The following POLQ variants were observed in gnomAD, a reference collection of about 807,000 sequenced individuals.
POLQ encodes the protein DNA polymerase theta.
A neutral mutation model predicts 259.2 loss-of-function variants in POLQ; 233 were observed. That is an observed-to-expected ratio of 0.90 (90% confidence interval 0.81 to 1.00). The LOEUF (loss-of-function observed/expected upper bound fraction) is 1.00, where lower values mean the gene tolerates loss of function less well. POLQ is among the 50% of genes least tolerant of loss of function. The pLI, the probability that POLQ is intolerant of heterozygous loss-of-function variation, is 0.00. For synonymous variants in POLQ, 1,025 were observed against 1,048.8 expected, an observed-to-expected ratio of 0.98 and a Z score of 0.44; for missense variants, 2,871 against 3,051.6, an observed-to-expected ratio of 0.94 and a Z score of 1.39.
At chr3:121,529,821 A>G (rs758650576) in intron 6 of POLQ, 29 bp from the exon 7 acceptor site, 11 of 1,556,366 alleles carry the variant, frequency 7.1e-6, no homozygotes, top group Non-Finnish European at 8.7e-7. Context: ...TAACCACTTT[A>G]GTGGTCCTTT....
intron 19 of POLQ, among the ~76,000 whole-genome samples, chr3:121,480,976 G>T (rs750143299): frequency 8.5e-5 from 13 of 152,072 alleles, no homozygotes; most frequent in Non-Finnish European, 1.8e-4. Context: ...ATAAGCATCC[G>T]TTAAGCTCTC....
At chr3:121,541,744 A>G (rs934430526) in intron 2 of POLQ, among the ~76,000 whole-genome samples, 1 of 152,198 alleles carries the variant, frequency 6.6e-6, no homozygotes, top group Non-Finnish European at 1.5e-5. Context: ...ATACCTAAAG[A>G]TCCTTTCCTT....
At chr3:121,455,901 T>C (rs2047732006) in intron 25 of POLQ, among the ~76,000 whole-genome samples, 1 of 133,448 alleles carries the variant, frequency 7.5e-6, no homozygotes, top group South Asian at 3.0e-4. Flanking sequence ...AGCATCATCC[T>C]GATACCAAAG....
chr3:121,525,146 C>T (rs556787264), intron 7 of POLQ, among the ~76,000 whole-genome samples: 3 of 152,190 alleles, frequency 2.0e-5, no homozygotes, highest in East Asian at 3.9e-4. Flanking sequence ...TCGAGACCAT[C>T]CTGGCTAACA....
rs746228716 is a variant in POLQ at position 121,510,332 on chromosome 3, C to CT, written c.1612-90dup. ...GTGGCTCATGCCTGTAATCCCAGCA[C>CT]TTTGGGAGTCCGAGGCGGGCGGATC... On this transcript the variant is annotated intron_variant, in intron 10 of 29. Transcript: ENST00000264233. The CT allele has an allele frequency of 6.2e-4, 525 of 842,206 alleles. 3 individuals are homozygous for CT. Among genetic ancestry groups the CT allele is most frequent in the Middle Eastern group, 3.4e-3 (15 of 4,350 alleles). The allele number at this position is 842,206 out of a possible 1,614,324, so 52.2% of individuals were successfully genotyped here.
At position 121,472,169 on chromosome 3, in the gene POLQ, C is replaced by CA. The variant is rs1240834119; in HGVS notation, c.6544-6dup. 1.5e-5 allele frequency: 21 copies of CA among 1,367,564 alleles called. No individual in the cohort carries two copies. Among genetic ancestry groups the CA allele is most frequent in the East Asian group, 2.5e-5 (1 of 40,154 alleles). The allele number at this position is 1,367,564 out of a possible 1,614,324, so 84.7% of individuals were successfully genotyped here. ...CTTTAATTTATTTAAAACGTCCTGCCAAAAAAATATAAGGTAAGATTGAAT... is the reference window on the plus strand; with the variant it reads ...CTTTAATTTATTTAAAACGTCCTGCCAAAAAAAATATAAGGTAAGATTGAAT... On this transcript the variant is annotated splice_polypyrimidine_tract_variant and splice_region_variant and intron_variant, in intron 21 of 29. Transcript: ENST00000264233.
At position 121,472,017 on chromosome 3, in the gene POLQ, G is replaced by T. The variant is rs2108789965; in HGVS notation, c.6691C>A (p.Pro2231Thr). Residue 2231 changes from proline to threonine, a missense_variant, in exon 22 of 30, where the codon CCT (proline) becomes ACT (threonine). Physicochemically the swap from Pro to Thr is conservative, Grantham distance 38. Coordinates refer to ENST00000264233, the MANE Select transcript of POLQ (RefSeq NM_199420.4). The part of the protein sequence containing the change: ...NPFLGMERIY[P>T]VSQSHTATGR... ...GTAGCAGTGTGCGACTGTGATACAG[G>T]ATAGATTCTTTCCATTCCAAGAAAA... 1.3e-6 allele frequency: 2 copies of T among 1,571,296 alleles called. No homozygotes were observed. The highest frequency in any genetic ancestry group is 2.3e-5 in the South Asian group (2 of 85,294).
chr3:121,514,444 A>G (rs963546552), intron 9 of POLQ, among the ~76,000 whole-genome samples: 10 of 151,844 alleles, frequency 6.6e-5, no homozygotes, highest in African/African-American at 2.4e-4. Flanking sequence ...AAATTGCAAG[A>G]TATAGTAAGA....
chr3:121,544,901 A>G lies in POLQ; in HGVS notation c.169T>C (p.Cys57Arg). ...TCGTAGTCAGGAACTGTAGGCTTGCATTCTCCTTTTAGGAAAAAGAAAAAA... is the reference window on the plus strand; with the variant it reads ...TCGTAGTCAGGAACTGTAGGCTTGCGTTCTCCTTTTAGGAAAAAGAAAAAA... ...RCLKAAAAGE[C>R]KPTVPDYERD... Residue 57 changes from cysteine to arginine, a missense_variant, in exon 2 of 30, where the codon TGC becomes CGC. Transcript: ENST00000264233. 1 of 1,584,096 alleles carries G rather than the reference A, an allele frequency of 6.3e-7. No homozygotes were observed. The highest frequency in any genetic ancestry group is 8.6e-7 in the Non-Finnish European group (1 of 1,163,852).
At chr3:121,509,724 G>A (rs1316969469) in intron 11 of POLQ, 21 bp from the exon 12 acceptor site, 1 of 1,588,352 alleles carries the variant, frequency 6.3e-7, no homozygotes. Flanking sequence ...GTTAGGGTGA[G>A]GAAACAGAGG....
chr3:121,513,600 C>CAAAAAAAAA (rs59962408), intron 9 of POLQ, among the ~76,000 whole-genome samples: 2 of 51,542 alleles, frequency 3.9e-5, no homozygotes, highest in Non-Finnish European at 6.4e-5. Flanking sequence ...GACTCTATCT[C>CAAAAAAAAA]AAAAAAAAAA....
At position 121,431,663 on chromosome 3, in the gene POLQ, T is replaced by C. The variant is rs1414262544; in HGVS notation, c.*641A>G. 6.6e-6 allele frequency: 1 copy of C among 152,630 alleles called. No individual in the cohort carries two copies. Among genetic ancestry groups the C allele is most frequent in the Non-Finnish European group, 1.5e-5 (1 of 68,044 alleles). 9.5% of individuals were successfully genotyped at this position (152,630 alleles called of 1,614,324 possible). Reference sequence around the variant, plus strand: ...ACCTCTTGAAGAGGTATAGTTTATTTTATAATATGTAAGTATTCCAAATAC... The same window carrying C: ...ACCTCTTGAAGAGGTATAGTTTATTCTATAATATGTAAGTATTCCAAATAC... On this transcript the variant is annotated 3_prime_UTR_variant, in exon 30 of 30. Coordinates refer to ENST00000264233, the MANE Select transcript of POLQ (RefSeq NM_199420.4).
intron 19 of POLQ, among the ~76,000 whole-genome samples, chr3:121,478,858 T>C (rs2047947736): frequency 1.3e-5 from 2 of 152,134 alleles, no homozygotes; most frequent in Admixed American, 1.3e-4. Flanking sequence ...CCTAATAAAG[T>C]GGCCTCAAAA....
intron 20 of POLQ, among the ~76,000 whole-genome samples, chr3:121,475,300 T>A (rs1331681946): frequency 6.6e-6 from 1 of 152,218 alleles, no homozygotes; most frequent in Admixed American, 6.5e-5. Context: ...AGTGAGATCA[T>A]CTGAAACATA....
At chr3:121,501,165 C>T (rs2048164525) in intron 12 of POLQ, among the ~76,000 whole-genome samples, 1 of 151,914 alleles carries the variant, frequency 6.6e-6, no homozygotes, top group African/African-American at 2.4e-5. Context: ...AGAGTTTCAC[C>T]ATGTTGCTGG....
At chr3:121,541,733 T>C (rs566958258) in intron 2 of POLQ, among the ~76,000 whole-genome samples, 1 of 152,162 alleles carries the variant, frequency 6.6e-6, no homozygotes, top group Non-Finnish European at 1.5e-5. Context: ...GTACCTAGTT[T>C]ATACCTAAAG....
chr3:121,459,036 G>C (rs1460806327), intron 25 of POLQ, among the ~76,000 whole-genome samples: 1 of 152,208 alleles, frequency 6.6e-6, no homozygotes, highest in Non-Finnish European at 1.5e-5. Context: ...CACGGGTCAT[G>C]TGGTAAGAAA....
chr3:121,462,590 G>A (rs925051330), intron 24 of POLQ, among the ~76,000 whole-genome samples: 15 of 152,272 alleles, frequency 9.9e-5, no homozygotes, highest in Admixed American at 2.6e-4. Flanking sequence ...AGTGCAGGGC[G>A]CCAAAGAACA....
intron 16 of POLQ, among the ~76,000 whole-genome samples, chr3:121,487,057 TTTA>T: frequency 6.6e-6 from 1 of 152,308 alleles, no homozygotes; most frequent in East Asian, 1.9e-4. Flanking sequence ...ATGTATTATC[TTTA>T]TTTTTATAAA....
Sources: gnomAD v4.1 joint callset for allele counts (sites outside exome capture counted in the v4.1 genomes callset) on GRCh38, gnomAD v4.1.1 for gene constraint, MANE v1.5 for transcripts, NCBI Gene and HGNC (gene_info 2026-07-23, HGNC 2026-07-21) for gene names.